Variants in RGSL1 observed in about 807,000 individuals in gnomAD.
RGSL1 encodes regulator of G protein signaling protein-like.
In RGSL1, 97 loss-of-function variants were observed where a neutral mutation model predicts 124.7. The ratio of observed to expected loss-of-function variants is 0.78; its 90% CI spans 0.66 to 0.92. RGSL1 has a LOEUF of 0.92. Ranked by LOEUF, RGSL1 falls within the 40% of genes least tolerant of loss-of-function variation. RGSL1 has a pLI of 0.00. For missense variants in RGSL1, 1,233 were observed against 1,288.4 expected, an observed-to-expected ratio of 0.96 and a Z score of 0.66; for synonymous variants, 424 against 438.1, an observed-to-expected ratio of 0.97 and a Z score of 0.40.
At chr1:182,547,649 C>T (rs1335486044) in intron 15 of RGSL1, among the ~76,000 whole-genome samples, 1 of 152,078 alleles carries the variant, frequency 6.6e-6, no homozygotes, top group Non-Finnish European at 1.5e-5. Flanking sequence ...ATCACGAGGT[C>T]AAGAGATCGA....
At chr1:182,500,560 G>A (rs529472668) in intron 9 of RGSL1, among the ~76,000 whole-genome samples, 2 of 152,150 alleles carry the variant, frequency 1.3e-5, no homozygotes, top group African/African-American at 4.8e-5. Context: ...ATCGGGGTTT[G>A]AATTGAGATT....
rs140388328 is a variant in RGSL1 at position 182,462,073 on chromosome 1, T to C, written c.301+1940T>C. Reference sequence around the variant, plus strand: ...ATCCACACCAAGACATATTATACTCTTGAATGCCAAAGACAGAGAGAGAAT... The same window carrying C: ...ATCCACACCAAGACATATTATACTCCTGAATGCCAAAGACAGAGAGAGAAT... On this transcript the variant is annotated intron_variant, in intron 4 of 21. Coordinates refer to ENST00000294854, the MANE Select transcript of RGSL1 (RefSeq NM_001137669.2). Among the ~76,000 whole-genome samples the C allele has an allele frequency of 7.3e-3, 1,113 of 152,220 alleles. 13 individuals carry two copies. The highest frequency in any genetic ancestry group is 0.037 in the Middle Eastern group (11 of 294).
rs139180839 is a variant in RGSL1, at chr1:182,505,118, A to G, written c.1825+11989A>G. 8.5e-5 allele frequency among the ~76,000 whole-genome samples: 13 copies of G among 152,304 alleles called. No individual in the cohort carries two copies. In the East Asian group the frequency reaches 2.5e-3, roughly 29 times the overall value. On this transcript the variant is annotated intron_variant, in intron 9 of 21. Coordinates refer to ENST00000294854, the MANE Select transcript of RGSL1 (RefSeq NM_001137669.2). ...ATCCCAACTGTTGTCCCTAGGCCCA[A>G]GCTGTGGTGGTCAATACTTGTATCC...
At chr1:182,546,873 A>C (rs1221353185) in intron 15 of RGSL1, among the ~76,000 whole-genome samples, 1 of 152,220 alleles carries the variant, frequency 6.6e-6, no homozygotes, top group African/African-American at 2.4e-5. Context: ...GGGAAGCAAC[A>C]CACCTCCTGG....
intron 9 of RGSL1, among the ~76,000 whole-genome samples, chr1:182,511,570 A>C (rs1401521969): frequency 6.6e-6 from 1 of 152,194 alleles, no homozygotes; most frequent in Non-Finnish European, 1.5e-5. Context: ...CTGTAAAGGC[A>C]TGGATTTATA....
At chr1:182,541,001 T>A (rs1263288012) in intron 15 of RGSL1, among the ~76,000 whole-genome samples, 2 of 152,230 alleles carry the variant, frequency 1.3e-5, no homozygotes, top group South Asian at 2.1e-4. Context: ...TTTGGAGATG[T>A]ATGTGATATT....
Position 182,532,693 on chromosome 1 carries a change from T to C in RGSL1, c.2396T>C (p.Ile799Thr), listed in dbSNP as rs1046421357. 2.6e-6 allele frequency: 4 copies of C among 1,551,096 alleles called. No individual in the cohort carries two copies. Among genetic ancestry groups the C allele is most frequent in the Non-Finnish European group, 3.5e-6 (4 of 1,146,486 alleles). The part of the protein sequence containing the change: ...KKGWMRMISF[I>T]RSFCKYRRFM... ...GGCTGGATGAGAATGATCAGCTTTATCAGGAGTTTTTGCAAGTACCGCAGA... is the reference window on the plus strand; with the variant it reads ...GGCTGGATGAGAATGATCAGCTTTACCAGGAGTTTTTGCAAGTACCGCAGA... The change falls in exon 14 of 22, where the codon ATC (isoleucine) becomes ACC (threonine). Residue 799 changes from isoleucine (I) to threonine (T), a missense_variant. By Grantham distance (89) the Ile-to-Thr change is moderately conservative. Coordinates refer to ENST00000294854, the MANE Select transcript of RGSL1 (RefSeq NM_001137669.2).
intron 4 of RGSL1, among the ~76,000 whole-genome samples, chr1:182,471,046 A>G (rs1653792853): frequency 6.6e-6 from 1 of 152,140 alleles, no homozygotes; most frequent in African/African-American, 2.4e-5. Context: ...CTTTGGTTGG[A>G]GGGTGTTTAT....
At chr1:182,525,450 T>C (rs1367462416) in intron 10 of RGSL1, among the ~76,000 whole-genome samples, 1 of 152,074 alleles carries the variant, frequency 6.6e-6, no homozygotes, top group Non-Finnish European at 1.5e-5. Flanking sequence ...AGATAGAAAT[T>C]ATAAAATATA....
At chr1:182,551,766 A>G (rs1004980972) in intron 18 of RGSL1, among the ~76,000 whole-genome samples, 3 of 152,214 alleles carry the variant, frequency 2.0e-5, no homozygotes, top group Admixed American at 1.3e-4. Context: ...ACATACAGCC[A>G]TGCACCACAT....
intron 7 of RGSL1, chr1:182,488,634 G>A (rs1655279349): frequency 7.9e-6 from 3 of 379,314 alleles, no homozygotes; most frequent in Admixed American, 8.4e-5. Flanking sequence ...GCTGAGGCAG[G>A]AGAATGGTGT....
chr1:182,548,587 G>GAA, intron 16 of RGSL1, 113 bp from the exon 17 acceptor site: 1 of 1,510,874 alleles, frequency 6.6e-7, no homozygotes, highest in Middle Eastern at 1.7e-4. Context: ...GCAACTCCAT[G>GAA]AAAACCGTAT....
chr1:182,527,466 A>C (rs1270119344), intron 10 of RGSL1, 113 bp from the exon 11 acceptor site: 3 of 824,582 alleles, frequency 3.6e-6, no homozygotes, highest in Non-Finnish European at 5.7e-6. Flanking sequence ...TGCTTTTCAC[A>C]TATGGCTAAA....
At position 182,540,348 on chromosome 1, in the gene RGSL1, C is replaced by T; in HGVS notation, c.2596C>T (p.Arg866Cys). ...ENGEITLVKRRIFGHRIITVN... is the reference protein window; with the variant it reads ...ENGEITLVKRCIFGHRIITVN... Reference sequence around the variant, plus strand: ...TGGAGAAATAACCCTTGTAAAGCGTCGTATATTTGGCCACAGGATTATCAC... The same window carrying T: ...TGGAGAAATAACCCTTGTAAAGCGTTGTATATTTGGCCACAGGATTATCAC... Residue 866 changes from arginine to cysteine, a missense_variant, in exon 15 of 22, where the codon CGT becomes TGT. Physicochemically the swap from Arg to Cys is radical, Grantham distance 180. Coordinates refer to ENST00000294854, the MANE Select transcript of RGSL1 (RefSeq NM_001137669.2). The T allele has an allele frequency of 4.5e-6, 7 of 1,551,324 alleles. No homozygotes were observed. Among genetic ancestry groups the T allele is most frequent in the South Asian group, 1.2e-5 (1 of 84,030 alleles).
chr1:182,450,326 C>T (rs1285873777), intron 1 of RGSL1, 148 bp downstream of exon 1: 10 of 848,574 alleles, frequency 1.2e-5, no homozygotes, highest in South Asian at 7.4e-5. Context: ...CCTTCTCTTT[C>T]TCCTTCTTCC....
intron 21 of RGSL1, among the ~76,000 whole-genome samples, chr1:182,556,439 T>A (rs1660872366): frequency 6.6e-6 from 1 of 152,214 alleles, no homozygotes. Flanking sequence ...TGGTGTCTTT[T>A]AATGGTAGGA....
chr1:182,460,801 TG>T (rs111450629), intron 4 of RGSL1: 19 of 445,220 alleles, frequency 4.3e-5, no homozygotes, highest in African/African-American at 2.2e-4. Flanking sequence ...TTGCAATGTT[TG>T]GGGGGAAACT....
upstream of RGSL1, chr1:182,448,357 G>A (rs1651598665): frequency 6.6e-6 from 1 of 152,128 alleles, no homozygotes; most frequent in Admixed American, 6.5e-5. Context: ...GAGTAGCTGG[G>A]ATTACAGGTG....
At chr1:182,507,392 C>T (rs1277799252) in intron 9 of RGSL1, 1 of 152,202 alleles carries the variant, frequency 6.6e-6, no homozygotes, top group Non-Finnish European at 1.5e-5. Context: ...TCCCCCTAAC[C>T]TTTGCAGCCT....
Sources: gnomAD v4.1 joint callset for allele counts (sites outside exome capture counted in the v4.1 genomes callset) on GRCh38, gnomAD v4.1.1 for gene constraint, MANE v1.5 for transcripts, NCBI Gene and HGNC (gene_info 2026-07-23, HGNC 2026-07-21) for gene names.